The following L1CAM variants were observed in gnomAD, a reference collection of about 807,000 sequenced individuals.
L1CAM encodes the protein L1 cell adhesion molecule.
Under a neutral mutation model 93.0 loss-of-function variants are expected in L1CAM, and 8 were observed. The observed-to-expected ratio is 0.09, with a 90% CI of 0.05 to 0.16. L1CAM has a LOEUF of 0.16. Among genes scored for constraint, L1CAM ranks in the 10% least tolerant of loss-of-function variants. The pLI, the probability that L1CAM is intolerant of heterozygous loss-of-function variation, is 1.00. For synonymous variants in L1CAM, 453 were observed against 453.0 expected, an observed-to-expected ratio of 1.00 and a Z score of 0.00; for missense variants, 777 against 1,073.4, an observed-to-expected ratio of 0.72 and a Z score of 3.86.
intron 1 of L1CAM, among the ~76,000 whole-genome samples, chrX:153,883,304 A>G (rs782181039): frequency 9.0e-6 from 1 of 110,961 alleles, no homozygotes; most frequent in Admixed American, 9.5e-5. Context: ...CCAGGCAGGC[A>G]GAGGCAGAGG....
chrX:153,873,533 T>C (rs1442064232), intron 2 of L1CAM, among the ~76,000 whole-genome samples: 2 of 112,269 alleles, frequency 1.8e-5, no homozygotes, highest in Admixed American at 9.3e-5. Context: ...CCTCCAGCTC[T>C]AGCAGACAGG....
chrX:153,866,670 T>C lies in L1CAM; in HGVS notation c.2410A>G (p.Ile804Val), dbSNP rs201152225. The C allele has an allele frequency of 4.1e-6, 5 of 1,209,221 alleles. No homozygotes were observed. Among genetic ancestry groups the C allele is most frequent in the African/African-American group, 1.7e-5 (1 of 57,219 alleles). The change falls in exon 19 of 29, where the codon ATC (isoleucine) becomes GTC (valine). Residue 804 changes from isoleucine to valine, a missense_variant. By Grantham distance (29) the Ile-to-Val change is conservative. This residue lies in a region of L1CAM where 574 missense variants were observed against 781.0 expected (regional missense o/e 0.73). Coordinates refer to ENST00000370060, the MANE Select transcript of L1CAM (RefSeq NM_001278116.2). ...QGKGPEPQVTIGYSGEDYPQA... is the reference protein window; with the variant it reads ...QGKGPEPQVTVGYSGEDYPQA... ...TCACAGTCCTCTCCAGAGTAGCCGA[T>C]AGTGACCTGGGGCTCTGGTCCCTTG... is the stretch of plus-strand genomic sequence containing the variant.
intron 1 of L1CAM, chrX:153,884,243 A>G (rs987701284): frequency 2.0e-6 from 2 of 1,011,861 alleles, no homozygotes; most frequent in African/African-American, 3.9e-5. Flanking sequence ...CCAGTACACG[A>G]CTGCCCATCG....
rs782275088 is a variant in L1CAM at position 153,872,282 on chromosome X, G to C, written c.270C>G (p.Pro90=). 5 of 1,204,444 alleles carry C rather than the reference G, an allele frequency of 4.2e-6. No homozygotes were observed. In the African/African-American group the frequency reaches 5.4e-5, roughly 13 times the overall value. ...EELGVTVYQS[P]HSGSFTITGN... is the part of the protein sequence containing the mutation. ...CCGTGATGGTGAAGGAGCCAGAGTG[G>C]GGCGACTGGTACACGGTCACACCCA... Residue 90 remains proline, a synonymous_variant, in exon 5 of 29, where the codon CCC becomes CCG. Transcript: ENST00000370060.
rs1463262288 is a variant in L1CAM at position 153,864,855 on chromosome X, G to A, written c.3012C>T (p.Ala1004=). ...QATTKEGPGE[A]IVREGGTMAL... ...CCATAGTGCCTCCTTCCCGTACGAT[G>A]GCTTCACCAGGGCCCTCTTTGGTGG... Residue 1004 remains alanine (A), a synonymous_variant, in exon 23 of 29, where the codon GCC becomes GCT. Transcript: ENST00000370060. The A allele has an allele frequency of 8.2e-7, 1 of 1,212,434 alleles. No homozygotes were observed. Among genetic ancestry groups the A allele is most frequent in the East Asian group, 3.0e-5 (1 of 33,846 alleles).
chrX:153,885,391 C>G, intron 1 of L1CAM: 1 of 982,563 alleles, frequency 1.0e-6, no homozygotes, highest in Non-Finnish European at 1.3e-6. Flanking sequence ...CCAGAGGCGC[C>G]CTACGCCTCC....
chrX:153,877,244 C>A (rs1392640485), intron 1 of L1CAM, among the ~76,000 whole-genome samples: 1 of 89,995 alleles, frequency 1.1e-5, no homozygotes, highest in Non-Finnish European at 2.1e-5. Flanking sequence ...CAGTTTGAGA[C>A]CAGCCTGGCC....
chrX:153,871,145 G>A lies in L1CAM; in HGVS notation c.435C>T (p.Pro145=), dbSNP rs945166444. 5 of 1,206,742 alleles carry A rather than the reference G, an allele frequency of 4.1e-6. No homozygotes were observed. The highest frequency in any genetic ancestry group is 1.8e-5 in the South Asian group (1 of 56,654). The part of the protein sequence containing the change: ...APKWPKETVK[P]VEVEEGESVV... ...CTGACTCCCCTTCCTCCACCTCCACGGGCTTCACTGTCTCCTTTGGCCACT... is the reference window on the plus strand; with the variant it reads ...CTGACTCCCCTTCCTCCACCTCCACAGGCTTCACTGTCTCCTTTGGCCACT... Residue 145 remains proline, a synonymous_variant, in exon 6 of 29, where the codon CCC becomes CCT. Coordinates refer to ENST00000370060, the MANE Select transcript of L1CAM (RefSeq NM_001278116.2).
At position 153,865,121 on chromosome X, in the gene L1CAM, C is replaced by A. The variant is rs1302912544; in HGVS notation, c.2839G>T (p.Val947Leu). The A allele has an allele frequency of 8.3e-7, 1 of 1,209,213 alleles. No individual in the cohort carries two copies. Among genetic ancestry groups the A allele is most frequent in the Non-Finnish European group, 1.1e-6 (1 of 894,961 alleles). ...RWQPPLSHNG[V>L]LTGYVLSYHP... The stretch of plus-strand genomic sequence containing the variant: ...TAGGAGAGCACGTAGCCGGTGAGCA[C>A]GCCGTTGTGGCTGAGTGGGGGCTGC... The change falls in exon 22 of 29, where the codon GTG (valine) becomes TTG (leucine). Residue 947 changes from valine (V) to leucine (L), a missense_variant. Coordinates refer to ENST00000370060, the MANE Select transcript of L1CAM (RefSeq NM_001278116.2).
At position 153,869,714 on chromosome X, in the gene L1CAM, G is replaced by A. The variant is rs782590848; in HGVS notation, c.1124-51C>T. On this transcript the variant is annotated intron_variant, in intron 10 of 28. Coordinates refer to ENST00000370060, the MANE Select transcript of L1CAM (RefSeq NM_001278116.2). ...GGGCCACAGCCCGGCATTGAGCTGCGTTGAGGCCCTTCCTCACCCTCCTCT... is the reference window on the plus strand; with the variant it reads ...GGGCCACAGCCCGGCATTGAGCTGCATTGAGGCCCTTCCTCACCCTCCTCT... The A allele has an allele frequency of 6.7e-5, 81 of 1,200,157 alleles. 1 individual carries two copies. The South Asian group carries it at 9.6e-4, about 14-fold the overall frequency.
chrX:153,883,098 C>A (rs1164123021), intron 1 of L1CAM, among the ~76,000 whole-genome samples: 1 of 111,837 alleles, frequency 8.9e-6, no homozygotes, highest in Non-Finnish European at 1.9e-5. Context: ...GGGTCTGGGC[C>A]CAACCCCAAG....
intron 26 of L1CAM, 85 bp from the exon 27 acceptor site, chrX:153,863,634 A>G: frequency 1.1e-6 from 1 of 945,335 alleles, no homozygotes. Context: ...CACCCCCAGC[A>G]CTCTGTCTCA....
At chrX:153,872,377 A>T in intron 4 of L1CAM, 23 bp from the exon 5 acceptor site, 1 of 1,191,563 alleles carries the variant, frequency 8.4e-7, no homozygotes, top group East Asian at 3.0e-5. Flanking sequence ...AAAGGCCCAG[A>T]GGCCTGAGGC....
At chrX:153,875,240 C>G (rs1206214008) in intron 2 of L1CAM, among the ~76,000 whole-genome samples, 1 of 111,490 alleles carries the variant, frequency 9.0e-6, no homozygotes, top group Non-Finnish European at 1.9e-5. Context: ...TGGGCTGGGA[C>G]CAGGGTTTTT....
At chrX:153,877,540 T>A (rs1557094931) in intron 1 of L1CAM, among the ~76,000 whole-genome samples, 1 of 110,017 alleles carries the variant, frequency 9.1e-6, no homozygotes, top group Non-Finnish European at 1.9e-5. Flanking sequence ...GGCAGGAGAA[T>A]CTCTTGAACC....
At chrX:153,863,858 C>G in intron 26 of L1CAM, 25 bp downstream of exon 26, 1 of 1,211,897 alleles carries the variant, frequency 8.3e-7, no homozygotes, top group Non-Finnish European at 1.1e-6. Context: ...GGCTCCACCC[C>G]CGTCACGTGG....
In L1CAM at chrX:153,864,905, G is replaced by A. The variant is rs781979227; in HGVS notation, c.2962C>T (p.Arg988Trp). ...GTGGCCTGAAGCTGGAAGCGGTACC[G>A]CAGGTGGGGGCTGAGATCGGTCAGG... ...HNLTDLSPHL[R>W]YRFQLQATTK... The change falls in exon 23 of 29, where the codon CGG becomes TGG. Residue 988 changes from arginine (R) to tryptophan (W), a missense_variant. By Grantham distance (101) the Arg-to-Trp change is moderately radical. Transcript: ENST00000370060. 1 of 1,212,236 alleles carries A rather than the reference G, an allele frequency of 8.2e-7. No individual in the cohort carries two copies. The highest frequency in any genetic ancestry group is 1.1e-6 in the Non-Finnish European group (1 of 895,500).
At chrX:153,866,040 C>T (rs1438284064) in intron 19 of L1CAM, 5 of 407,388 alleles carry the variant, frequency 1.2e-5, no homozygotes, top group South Asian at 7.3e-5. Context: ...CATGGCTGGG[C>T]GTGATGGTTC....
Position 153,869,783 on chromosome X carries a change from C to T in L1CAM, c.1123+20G>A, listed in dbSNP as rs372516230. On this transcript the variant is annotated intron_variant, in intron 10 of 28. Transcript: ENST00000370060. ...CCAGGGCTCGCCACACTCCCCACTC[C>T]TGCCTGAGGCCCTGCTCACCCTCCA... 2 of 1,210,483 alleles carry T rather than the reference C, an allele frequency of 1.7e-6. No individual in the cohort carries two copies. Among genetic ancestry groups the T allele is most frequent in the Middle Eastern group, 2.3e-4 (1 of 4,354 alleles).
Sources: allele counts gnomAD v4.1 joint callset (sites outside exome capture counted in the v4.1 genomes callset), GRCh38; gene constraint gnomAD v4.1.1; regional missense constraint gnomAD v4.1.1; transcripts MANE v1.5; gene names NCBI Gene and HGNC (gene_info 2026-07-23, HGNC 2026-07-21).